MAGI1: variants seen among roughly 807,000 people sequenced by gnomAD.
MAGI1 encodes the protein membrane-associated guanylate kinase, WW and PDZ domain-containing protein 1.
Under a neutral mutation model 139.9 loss-of-function variants are expected in MAGI1, and 58 were observed. That is an observed-to-expected ratio of 0.41 (90% CI 0.34 to 0.52). MAGI1 has a LOEUF of 0.52. MAGI1 is among the 20% of genes least tolerant of loss of function. MAGI1 has a pLI of 0.12. For missense variants in MAGI1, 1,874 were observed against 1,901.6 expected (o/e 0.99, Z 0.27); for synonymous variants, 812 against 737.9 (o/e 1.10, Z -1.63).
At chr3:65,702,011 T>G (rs6795998) in intron 1 of MAGI1, among the ~76,000 whole-genome samples, 21,514 of 152,080 alleles carry the variant, frequency 0.14, 1,584 homozygotes, top group South Asian at 0.23. Context: ...TTATTTTTTT[T>G]GCTCTCCCTA....
At chr3:65,517,069 C>T (rs370959849) in intron 2 of MAGI1, among the ~76,000 whole-genome samples, 1 of 152,154 alleles carries the variant, frequency 6.6e-6, no homozygotes, top group Admixed American at 6.5e-5. Context: ...GATTAAAACC[C>T]AGGTTTTCCT....
rs769436557 is a variant in MAGI1, at chr3:66,028,865, G to C, written c.313+9131C>G. Among the ~76,000 whole-genome samples the C allele has an allele frequency of 5.9e-5, 9 of 152,076 alleles. 1 individual carries two copies. Among genetic ancestry groups the C allele is most frequent in the Non-Finnish European group, 1.0e-4 (7 of 68,030 alleles). On this transcript the variant is annotated intron_variant, in intron 1 of 22. Transcript: ENST00000402939. ...AGTGTTTTTTTTCTAGACTTGAAAA[G>C]CTCTCCAGAGAACTGTACACTGCAA... is the stretch of plus-strand genomic sequence containing the variant.
At chr3:65,717,280 C>T (rs1360260307) in intron 1 of MAGI1, among the ~76,000 whole-genome samples, 1 of 152,166 alleles carries the variant, frequency 6.6e-6, no homozygotes, top group Non-Finnish European at 1.5e-5. Flanking sequence ...AGTTTTGTCC[C>T]TTAGGAAACA....
At chr3:65,722,101 T>C (rs1053896580) in intron 1 of MAGI1, among the ~76,000 whole-genome samples, 1 of 152,174 alleles carries the variant, frequency 6.6e-6, no homozygotes, top group Non-Finnish European at 1.5e-5. Context: ...GCTCTCACAG[T>C]AGAGCAAGTT....
rs546344020 is a variant in MAGI1, at chr3:65,385,855, G to A, written c.2417-2232C>T. ...AGGTAACAATATTTTCTTTCTGTTCGAGTAGCTGGCTACAGGATATTTGCT... is the reference window on the plus strand; with the variant it reads ...AGGTAACAATATTTTCTTTCTGTTCAAGTAGCTGGCTACAGGATATTTGCT... On this transcript the variant is annotated intron_variant, in intron 14 of 22. Transcript: ENST00000402939. 3.9e-5 allele frequency among the ~76,000 whole-genome samples: 6 copies of A among 152,204 alleles called. No homozygotes were observed. The East Asian group carries it at 5.8e-4, about 15-fold the overall frequency.
chr3:65,439,904 CTGCTGCTGCTGTTGCTGCTGCTGT>C lies in MAGI1; in HGVS notation c.1221_1244del (p.Gln414_Gln421del), dbSNP rs747189565. 39 of 1,609,768 alleles carry C rather than the reference CTGCTGCTGCTGTTGCTGCTGCTGT, an allele frequency of 2.4e-5. No individual in the cohort carries two copies. In the East Asian group the frequency reaches 4.7e-4, roughly 19 times the overall value. On this transcript the variant is annotated inframe_deletion, in exon 9 of 23. Transcript: ENST00000402939. Reference sequence around the variant, plus strand: ...CTTCTGTCTGCTGCTGCTGCTGCTGCTGCTGCTGCTGTTGCTGCTGCTGTTGCTGCTGCTGCTGCTGCTCAAGCT... The same window carrying C: ...CTTCTGTCTGCTGCTGCTGCTGCTGCTGCTGCTGCTGCTGCTGCTCAAGCT...
At chr3:66,031,967 C>T (rs973051116) in intron 1 of MAGI1, among the ~76,000 whole-genome samples, 7 of 152,174 alleles carry the variant, frequency 4.6e-5, no homozygotes, top group African/African-American at 1.7e-4. Context: ...GGCAGAAATA[C>T]TTGAATAGGA....
chr3:65,536,046 T>C (rs1386661316), intron 2 of MAGI1, among the ~76,000 whole-genome samples: 1 of 152,224 alleles, frequency 6.6e-6, no homozygotes, highest in African/African-American at 2.4e-5. Flanking sequence ...CCTGTTCACT[T>C]TGGGACCTTT....
chr3:65,743,633 C>G (rs1054334345), intron 1 of MAGI1, among the ~76,000 whole-genome samples: 1 of 152,034 alleles, frequency 6.6e-6, no homozygotes, highest in Non-Finnish European at 1.5e-5. Context: ...TTGCTTGAAC[C>G]TGGGAGGCAG....
At chr3:65,450,902 A>C (rs1416879306) in intron 6 of MAGI1, among the ~76,000 whole-genome samples, 1 of 152,208 alleles carries the variant, frequency 6.6e-6, no homozygotes, top group African/African-American at 2.4e-5. Context: ...ATAAATAATA[A>C]CAAGGCAGCT....
rs368607786 is a variant in MAGI1, at chr3:65,514,853, T to C, written c.431-21222A>G. The stretch of plus-strand genomic sequence containing the variant: ...TAAATCATGCTGCTATAAAGACACA[T>C]GCACACGTATGTTTATTGCGGCATT... On this transcript the variant is annotated intron_variant, in intron 2 of 22. Transcript: ENST00000402939. 2.7e-5 allele frequency among the ~76,000 whole-genome samples: 4 copies of C among 147,590 alleles called. No homozygotes were observed. In the East Asian group the frequency reaches 6.0e-4, roughly 22 times the overall value.
chr3:65,498,895 C>T, intron 2 of MAGI1: 1 of 482,828 alleles, frequency 2.1e-6, no homozygotes, highest in Non-Finnish European at 2.7e-6. Flanking sequence ...CTAGTGGCTA[C>T]TGGCCTGGTC....
intron 1 of MAGI1, among the ~76,000 whole-genome samples, chr3:65,641,612 T>C (rs1048791889): frequency 1.3e-5 from 2 of 152,112 alleles, no homozygotes; most frequent in South Asian, 2.1e-4. Context: ...AGAAGAAATA[T>C]AAGACTCTGA....
At chr3:65,706,943 A>G (rs1001531827) in intron 1 of MAGI1, among the ~76,000 whole-genome samples, 4 of 152,200 alleles carry the variant, frequency 2.6e-5, no homozygotes, top group Non-Finnish European at 4.4e-5. Context: ...CCATCTCACA[A>G]GACATAAACA....
At chr3:65,939,694 T>A (rs2063221047) in intron 1 of MAGI1, among the ~76,000 whole-genome samples, 1 of 152,128 alleles carries the variant, frequency 6.6e-6, no homozygotes, top group African/African-American at 2.4e-5. Flanking sequence ...GTCATCTGCA[T>A]CTAAAACCCA....
At chr3:65,881,454 C>T (rs2060325691) in intron 1 of MAGI1, among the ~76,000 whole-genome samples, 1 of 151,984 alleles carries the variant, frequency 6.6e-6, no homozygotes. Flanking sequence ...TGGCAAGACC[C>T]CATCTCTAAA....
chr3:65,733,893 T>C (rs1047552531), intron 1 of MAGI1, among the ~76,000 whole-genome samples: 1 of 152,152 alleles, frequency 6.6e-6, no homozygotes, highest in African/African-American at 2.4e-5. Flanking sequence ...CTACAGCTGT[T>C]GTTAATCCAC....
intron 1 of MAGI1, among the ~76,000 whole-genome samples, chr3:65,782,628 A>C (rs1237857557): frequency 2.0e-5 from 3 of 150,696 alleles, no homozygotes; most frequent in Non-Finnish European, 4.4e-5. Context: ...AAAAAAAAAA[A>C]AAAAAAAAAA....
At position 65,903,049 on chromosome 3, in the gene MAGI1, C is replaced by T. The variant is rs973879228; in HGVS notation, c.313+134947G>A. Reference sequence around the variant, plus strand: ...TGTCACCCAAGTTAGAGTACACTGGCGCAATCTCGGCTCACTGCAGCCTCA... The same window carrying T: ...TGTCACCCAAGTTAGAGTACACTGGTGCAATCTCGGCTCACTGCAGCCTCA... On this transcript the variant is annotated intron_variant, in intron 1 of 22. Transcript: ENST00000402939. 4.6e-5 allele frequency among the ~76,000 whole-genome samples: 7 copies of T among 152,114 alleles called. No homozygotes were observed. In the East Asian group the frequency reaches 1.2e-3, roughly 25 times the overall value.
Sources: allele counts gnomAD v4.1 joint callset (sites outside exome capture counted in the v4.1 genomes callset), GRCh38; gene constraint gnomAD v4.1.1; transcripts MANE v1.5; gene names NCBI Gene and HGNC (gene_info 2026-07-23, HGNC 2026-07-21).